PTPRO: variants seen among roughly 807,000 people sequenced by gnomAD.
The protein encoded by PTPRO is receptor-type tyrosine-protein phosphatase O.
Under a neutral mutation model 145.2 loss-of-function variants are expected in PTPRO, and 62 were observed. That is an observed-to-expected ratio of 0.43 (90% CI 0.35 to 0.53). PTPRO has a LOEUF of 0.53. Ranked by LOEUF, PTPRO falls within the 20% of genes least tolerant of loss-of-function variation. The probability of loss-of-function intolerance (pLI) is 0.01; values close to 1 mark genes in which losing one functional copy is unlikely to be tolerated. For synonymous variants in PTPRO, 565 were observed against 514.7 expected (o/e 1.10, Z -1.32); for missense variants, 1,345 against 1,482.7 (o/e 0.91, Z 1.53).
intron 23 of PTPRO, among the ~76,000 whole-genome samples, chr12:15,583,722 A>G (rs1944372279): frequency 6.6e-6 from 1 of 152,222 alleles, no homozygotes; most frequent in Non-Finnish European, 1.5e-5. Context: ...CTTTGCAGAA[A>G]ATGTTTGCTG....
intron 1 of PTPRO, chr12:15,346,708 T>C (rs1867228243): frequency 6.6e-6 from 1 of 152,224 alleles, no homozygotes; most frequent in Non-Finnish European, 1.5e-5. Context: ...ATTAGTTCTG[T>C]CATGAGGATA....
At chr12:15,531,085 C>G (rs1300832783) in intron 12 of PTPRO, among the ~76,000 whole-genome samples, 2 of 152,054 alleles carry the variant, frequency 1.3e-5, no homozygotes, top group East Asian at 3.9e-4. Context: ...CTACTATGAA[C>G]AGCTATAAAC....
chr12:15,534,407 T>A (rs1384259647), intron 12 of PTPRO, among the ~76,000 whole-genome samples: 2 of 152,204 alleles, frequency 1.3e-5, no homozygotes, highest in African/African-American at 4.8e-5. Flanking sequence ...ATTAAGAACC[T>A]TCTAAGTACT....
intron 19 of PTPRO, among the ~76,000 whole-genome samples, chr12:15,575,700 G>T (rs1174846694): frequency 2.0e-5 from 3 of 152,282 alleles, no homozygotes; most frequent in Admixed American, 2.0e-4. Context: ...AATTGTCGTG[G>T]TTTAAAACAA....
rs11056473 is a variant in PTPRO at position 15,424,795 on chromosome 12, T to C, written c.76-59179T>C. Among the ~76,000 whole-genome samples, 837 of 152,022 alleles carry C rather than the reference T, an allele frequency of 5.5e-3. 56 individuals are homozygous for C. The East Asian group carries it at 0.14, about 26-fold the overall frequency. ...CATCAGTTGATTTTCAGCAAGTATG[T>C]AGAGTGTTTAAGGACTGATTGACAG... On this transcript the variant is annotated intron_variant, in intron 1 of 26. Transcript: ENST00000281171.
chr12:15,458,087 T>C (rs1941220401), intron 1 of PTPRO, among the ~76,000 whole-genome samples: 1 of 152,160 alleles, frequency 6.6e-6, no homozygotes, highest in Admixed American at 6.6e-5. Flanking sequence ...GGAAAGTCAT[T>C]ATCTCTCCTT....
chr12:15,448,339 T>TAAAAAAAAACAAAAAAAAAAAAAAAAAAA (rs1940957186), intron 1 of PTPRO, among the ~76,000 whole-genome samples: 1 of 45,020 alleles, frequency 2.2e-5, no homozygotes, highest in Non-Finnish European at 4.3e-5. Context: ...CTGTTCCTAG[T>TAAAAAAAAACAAAAAAAAAAAAAAAAAAA]AAAAAAAAAA....
At chr12:15,389,200 T>C (rs191887496) in intron 1 of PTPRO, among the ~76,000 whole-genome samples, 3,199 of 151,152 alleles carry the variant, frequency 0.021, 121 homozygotes, top group African/African-American at 0.073. Flanking sequence ...GCCTCCCAGG[T>C]TCACGCCATT....
chr12:15,357,102 G>A (rs1457965534), intron 1 of PTPRO, among the ~76,000 whole-genome samples: 2 of 152,218 alleles, frequency 1.3e-5, no homozygotes, highest in African/African-American at 4.8e-5. Context: ...GCTGCTTCAA[G>A]TAATTCGGTA....
chr12:15,548,991 A>C (rs1591716492), intron 13 of PTPRO, 103 bp from the exon 14 acceptor site: 1 of 1,298,342 alleles, frequency 7.7e-7, no homozygotes, highest in Non-Finnish European at 1.1e-6. Flanking sequence ...CATCTTATAC[A>C]TTTTTTACTC....
At chr12:15,354,121 T>A (rs547328987) in intron 1 of PTPRO, among the ~76,000 whole-genome samples, 67 of 152,110 alleles carry the variant, frequency 4.4e-4, no homozygotes, top group African/African-American at 1.1e-3. Flanking sequence ...AATTTTTTTT[T>A]AAAAAAGGGC....
intron 1 of PTPRO, among the ~76,000 whole-genome samples, chr12:15,380,197 G>A (rs10846170): frequency 0.37 from 55,609 of 151,880 alleles, 12,925 homozygotes; most frequent in African/African-American, 0.67. Flanking sequence ...TTGAGAGAAT[G>A]TATTAAGTAA....
chr12:15,502,082 A>G lies in PTPRO; in HGVS notation c.1105+19A>G, dbSNP rs1478563584. On this transcript the variant is annotated intron_variant, in intron 5 of 26. Coordinates refer to ENST00000281171, the MANE Select transcript of PTPRO (RefSeq NM_030667.3). ...CGAGAAGGTAAAGCAGTAGGAAATC[A>G]GAGGAAATAAGAACTGATACAAAGG... 1.3e-6 allele frequency: 2 copies of G among 1,579,546 alleles called. No individual in the cohort carries two copies. The highest frequency in any genetic ancestry group is 4.5e-5 in the East Asian group (2 of 44,690).
chr12:15,341,322 C>A (rs1301407116), intron 1 of PTPRO, among the ~76,000 whole-genome samples: 2 of 152,028 alleles, frequency 1.3e-5, no homozygotes, highest in African/African-American at 4.8e-5. Context: ...AAAAGGAAGA[C>A]CCCAGAATAT....
At chr12:15,589,017 C>T (rs941564058) in intron 24 of PTPRO, among the ~76,000 whole-genome samples, 3 of 152,154 alleles carry the variant, frequency 2.0e-5, no homozygotes, top group East Asian at 1.9e-4. Context: ...GCTTAGTCTG[C>T]GTTTTTCCAC....
chr12:15,364,117 T>C (rs1001284991), intron 1 of PTPRO, among the ~76,000 whole-genome samples: 2 of 152,192 alleles, frequency 1.3e-5, no homozygotes, highest in African/African-American at 4.8e-5. Context: ...ATAGGACCTA[T>C]GTAAAAATCA....
At chr12:15,383,778 G>A (rs1377881205) in intron 1 of PTPRO, among the ~76,000 whole-genome samples, 2 of 152,172 alleles carry the variant, frequency 1.3e-5, no homozygotes, top group Non-Finnish European at 2.9e-5. Context: ...GTTAAGGTTT[G>A]CTGGTAAATA....
At chr12:15,379,615 T>A (rs1266345705) in intron 1 of PTPRO, among the ~76,000 whole-genome samples, 3 of 149,696 alleles carry the variant, frequency 2.0e-5, no homozygotes, top group African/African-American at 7.4e-5. Flanking sequence ...CAATAAAAAA[T>A]GAATTACTGA....
Position 15,539,961 on chromosome 12 carries a change from T to A in PTPRO, c.2165-6608T>A, listed in dbSNP as rs78819303. Among the ~76,000 whole-genome samples, 211 of 151,882 alleles carry A rather than the reference T, an allele frequency of 1.4e-3. 2 individuals carry two copies. The East Asian group carries it at 0.039, about 28-fold the overall frequency. On this transcript the variant is annotated intron_variant, in intron 12 of 26. Coordinates refer to ENST00000281171, the MANE Select transcript of PTPRO (RefSeq NM_030667.3). ...TGGTTTTTTTTTTAAATGTTCAAATTACTTGTTAAATGTATCTAGGAAAAG... is the reference window on the plus strand; with the variant it reads ...TGGTTTTTTTTTTAAATGTTCAAATAACTTGTTAAATGTATCTAGGAAAAG...
Sources: gnomAD v4.1 joint callset for allele counts (sites outside exome capture counted in the v4.1 genomes callset) on GRCh38, gnomAD v4.1.1 for gene constraint, MANE v1.5 for transcripts, NCBI Gene and HGNC (gene_info 2026-07-23, HGNC 2026-07-21) for gene names.